The following DLG2 variants were observed in gnomAD, a reference collection of about 807,000 sequenced individuals.
The protein encoded by DLG2 is disks large homolog 2.
In DLG2, 45 loss-of-function variants were observed where a neutral mutation model predicts 132.5. The ratio of observed to expected loss-of-function variants is 0.34; its 90% CI spans 0.27 to 0.44. DLG2 has a LOEUF of 0.44. DLG2 is among the 20% of genes least tolerant of loss of function. The probability of loss-of-function intolerance (pLI) is 1.00; values close to 1 mark genes in which losing one functional copy is unlikely to be tolerated. For synonymous variants in DLG2, 424 were observed against 419.6 expected (o/e 1.01, Z -0.13); for missense variants, 1,045 against 1,196.9 (o/e 0.87, Z 1.87).
intron 7 of DLG2, among the ~76,000 whole-genome samples, chr11:84,469,329 T>C (rs2099102569): frequency 1.3e-5 from 2 of 151,438 alleles, no homozygotes; most frequent in African/African-American, 2.4e-5. Flanking sequence ...AGGGACCAAA[T>C]CAAAGATCAG....
intron 6 of DLG2, among the ~76,000 whole-genome samples, chr11:84,649,973 C>T (rs534405685): frequency 1.3e-5 from 2 of 152,252 alleles, no homozygotes; most frequent in South Asian, 4.1e-4. Context: ...CAAATTCCAC[C>T]ACCTTCTTTG....
At chr11:84,969,066 T>C (rs945494986) in intron 6 of DLG2, among the ~76,000 whole-genome samples, 1 of 149,888 alleles carries the variant, frequency 6.7e-6, no homozygotes, top group Non-Finnish European at 1.5e-5. Flanking sequence ...AACTTTATTC[T>C]TCACTTGCAA....
At chr11:83,878,307 C>A (rs1335655725) in intron 15 of DLG2, among the ~76,000 whole-genome samples, 1 of 152,128 alleles carries the variant, frequency 6.6e-6, no homozygotes, top group East Asian at 1.9e-4. Context: ...ATGATGAATA[C>A]CATGGATTGA....
At chr11:84,211,643 A>G (rs2096756468) in intron 8 of DLG2, among the ~76,000 whole-genome samples, 1 of 152,194 alleles carries the variant, frequency 6.6e-6, no homozygotes, top group South Asian at 2.1e-4. Flanking sequence ...TTAGGTAAAA[A>G]CAATACTAAA....
At chr11:84,165,057 T>G (rs2095630998) in intron 8 of DLG2, among the ~76,000 whole-genome samples, 1 of 152,142 alleles carries the variant, frequency 6.6e-6, no homozygotes. Flanking sequence ...TATGAATGAT[T>G]TTTAAAATAA....
At chr11:85,553,984 G>A (rs2076804447) in intron 3 of DLG2, among the ~76,000 whole-genome samples, 1 of 151,264 alleles carries the variant, frequency 6.6e-6, no homozygotes, top group African/African-American at 2.4e-5. Context: ...ATAAAAATAT[G>A]TGGGTCGCAG....
At chr11:84,290,086 A>G (rs1460160859) in intron 7 of DLG2, among the ~76,000 whole-genome samples, 2 of 152,146 alleles carry the variant, frequency 1.3e-5, no homozygotes, top group Non-Finnish European at 2.9e-5. Context: ...GAGTATCTAT[A>G]GCGCTGAAAT....
intron 7 of DLG2, among the ~76,000 whole-genome samples, chr11:84,504,570 C>T (rs1297817721): frequency 6.6e-6 from 1 of 152,096 alleles, no homozygotes; most frequent in Non-Finnish European, 1.5e-5. Flanking sequence ...CATTCTTTTT[C>T]ATCTTCAGAG....
At chr11:84,950,316 T>A (rs181299378) in intron 6 of DLG2, among the ~76,000 whole-genome samples, 45 of 152,314 alleles carry the variant, frequency 3.0e-4, no homozygotes, top group African/African-American at 1.0e-3. Context: ...TCTGTGGGTG[T>A]TATCTAATTC....
At position 84,381,232 on chromosome 11, in the gene DLG2, G is replaced by A. The variant is rs114840586; in HGVS notation, c.520-129941C>T. 2.1e-3 allele frequency among the ~76,000 whole-genome samples: 325 copies of A among 152,038 alleles called. 1 individual carries two copies. The highest frequency in any genetic ancestry group is 7.4e-3 in the African/African-American group (307 of 41,526). On this transcript the variant is annotated intron_variant, in intron 7 of 27. Transcript: ENST00000376104. ...TAAATATTAAAACAGTGAATAAAAA[G>A]TTTTAAAATATTCTTACAAGGAAAT...
At chr11:84,020,677 T>C (rs1463047212) in intron 11 of DLG2, among the ~76,000 whole-genome samples, 3 of 152,346 alleles carry the variant, frequency 2.0e-5, no homozygotes, top group Non-Finnish European at 4.4e-5. Context: ...TTTTCCTTTT[T>C]TCATTTTCAG....
intron 3 of DLG2, among the ~76,000 whole-genome samples, chr11:85,441,397 G>A (rs1287969639): frequency 6.6e-6 from 1 of 152,044 alleles, no homozygotes; most frequent in Non-Finnish European, 1.5e-5. Flanking sequence ...GTCTTCTCCA[G>A]TATATTTCCT....
rs1218725370 is a variant in DLG2, at chr11:83,455,536, T to C, written c.*4282A>G. 2 of 152,682 alleles carry C rather than the reference T, an allele frequency of 1.3e-5. No individual in the cohort carries two copies. The highest frequency in any genetic ancestry group is 2.4e-5 in the African/African-American group (1 of 41,452). The allele number at this position is 152,682 out of a possible 1,614,324, so 9.5% of individuals were successfully genotyped here. A position where few individuals can be genotyped will look rare whatever the true frequency, so the allele number is the denominator to read the frequency against. ...GTTGCTAGGGAGATACTATACTCTT[T>C]AGATGATCTTTGTCTAAATTGTCCG... On this transcript the variant is annotated 3_prime_UTR_variant, in exon 28 of 28. Transcript: ENST00000376104.
intron 3 of DLG2, among the ~76,000 whole-genome samples, chr11:85,504,237 T>G (rs1354853526): frequency 1.3e-5 from 2 of 152,118 alleles, no homozygotes; most frequent in African/African-American, 4.8e-5. Flanking sequence ...TTTGTCAATT[T>G]TGGCTTTTGT....
At chr11:84,114,472 A>T (rs1207400184) in intron 9 of DLG2, among the ~76,000 whole-genome samples, 3 of 152,300 alleles carry the variant, frequency 2.0e-5, no homozygotes, top group Admixed American at 6.5e-5. Flanking sequence ...CAAGGAGCTG[A>T]GGCAGCAGAG....
At chr11:84,714,421 G>T (rs939897427) in intron 6 of DLG2, among the ~76,000 whole-genome samples, 9 of 152,038 alleles carry the variant, frequency 5.9e-5, no homozygotes, top group African/African-American at 2.2e-4. Context: ...GTGGAGAAAG[G>T]CAGAAGGTTC....
At chr11:84,734,458 G>A (rs1337174876) in intron 6 of DLG2, among the ~76,000 whole-genome samples, 1 of 152,114 alleles carries the variant, frequency 6.6e-6, no homozygotes, top group African/African-American at 2.4e-5. Flanking sequence ...TGGTGTATAA[G>A]AATGCTTGTG....
intron 11 of DLG2, among the ~76,000 whole-genome samples, chr11:84,055,599 C>T (rs777018404): frequency 1.3e-5 from 2 of 152,106 alleles, no homozygotes; most frequent in African/African-American, 4.8e-5. Context: ...ATCACACTCA[C>T]ATGCCTCTAC....
intron 18 of DLG2, chr11:83,724,750 A>T (rs1360986101): frequency 1.5e-6 from 1 of 661,084 alleles, no homozygotes; most frequent in East Asian, 2.7e-5. Context: ...TGTTTTAGGA[A>T]GGAAAGGGAG....
Sources: allele counts gnomAD v4.1 joint callset (sites outside exome capture counted in the v4.1 genomes callset), GRCh38; gene constraint gnomAD v4.1.1; transcripts MANE v1.5; gene names NCBI Gene and HGNC (gene_info 2026-07-23, HGNC 2026-07-21).